MTMR10: variants seen among roughly 807,000 people sequenced by gnomAD.
The protein encoded by MTMR10 is myotubularin related protein 10, also known as myotubularin-related protein 10.
MTMR10 carries 56 observed loss-of-function variants against 88.1 expected under a neutral mutation model. That is an observed-to-expected ratio of 0.64 (90% confidence interval 0.51 to 0.79). The LOEUF is 0.79. Ranked by LOEUF, MTMR10 falls within the 30% of genes least tolerant of loss-of-function variation. The pLI, the probability that MTMR10 is intolerant of heterozygous loss-of-function variation, is 0.00. For missense variants in MTMR10, 883 were observed against 924.7 expected (o/e 0.95, Z 0.58); for synonymous variants, 380 against 340.9 (o/e 1.11, Z -1.26).
At chr15:30,973,470 G>T (rs1384867000) in intron 5 of MTMR10, among the ~76,000 whole-genome samples, 2 of 152,024 alleles carry the variant, frequency 1.3e-5, no homozygotes, top group Admixed American at 1.3e-4. Flanking sequence ...CCTTGTTTTG[G>T]TATCAACAGA....
At chr15:30,966,708 T>C (rs574237878) in intron 6 of MTMR10, among the ~76,000 whole-genome samples, 1 of 145,674 alleles carries the variant, frequency 6.9e-6, no homozygotes, top group South Asian at 2.2e-4. Flanking sequence ...AATAACTGTA[T>C]TGCTTAAGCC....
intron 11 of MTMR10, 102 bp downstream of exon 11, chr15:30,953,460 A>C (rs2063278993): frequency 1.2e-6 from 1 of 831,686 alleles, no homozygotes; most frequent in African/African-American, 1.7e-5. Flanking sequence ...AGTTGGATGA[A>C]GAGTAAGTAC....
At chr15:30,948,548 A>G (rs558932893) in intron 12 of MTMR10, 77 bp from the exon 13 acceptor site, 10 of 1,425,410 alleles carry the variant, frequency 7.0e-6, no homozygotes, top group Middle Eastern at 3.5e-4. Flanking sequence ...GGTAAACTAG[A>G]TAATTTAGTA....
At chr15:30,961,884 G>A (rs1044657068) in intron 6 of MTMR10, among the ~76,000 whole-genome samples, 2 of 152,040 alleles carry the variant, frequency 1.3e-5, no homozygotes, top group African/African-American at 4.8e-5. Context: ...CCCTAATTGT[G>A]GGGTAAGTCC....
chr15:30,928,968 G>A, the MTMR10 span, among the ~76,000 whole-genome samples: 1 of 152,204 alleles, frequency 6.6e-6, no homozygotes, highest in African/African-American at 2.4e-5. Context: ...ACAGACATGG[G>A]CACATCTGCC....
intron 4 of MTMR10, 59 bp from the exon 5 acceptor site, chr15:30,974,515 C>A: frequency 7.4e-7 from 1 of 1,343,432 alleles, no homozygotes; most frequent in East Asian, 2.5e-5. Flanking sequence ...GTTACTCACC[C>A]TTTAATACAA....
At chr15:30,969,649 AT>A (rs1306455562) in intron 5 of MTMR10, among the ~76,000 whole-genome samples, 1 of 152,172 alleles carries the variant, frequency 6.6e-6, no homozygotes, top group East Asian at 1.9e-4. Flanking sequence ...TAACGATGTA[AT>A]TCTGACTAAC....
chr15:30,966,215 T>C (rs2063470424), intron 6 of MTMR10, among the ~76,000 whole-genome samples: 1 of 152,190 alleles, frequency 6.6e-6, no homozygotes, highest in African/African-American at 2.4e-5. Context: ...CAATAAGCTA[T>C]ATAAGAAGAA....
chr15:30,962,687 A>G (rs1250713172), intron 6 of MTMR10, among the ~76,000 whole-genome samples: 1 of 152,162 alleles, frequency 6.6e-6, no homozygotes. Context: ...AGAACTCCCC[A>G]TGTGCTAATG....
the MTMR10 span, among the ~76,000 whole-genome samples, chr15:30,933,179 C>T: frequency 6.6e-6 from 1 of 151,990 alleles, no homozygotes; most frequent in Admixed American, 6.6e-5. Flanking sequence ...CTTTTGGTTT[C>T]ATTTGTTTTT....
At chr15:30,922,453 A>G in the MTMR10 span, 1 of 1,194,936 alleles carries the variant, frequency 8.4e-7, no homozygotes, top group South Asian at 1.5e-5. Context: ...TGTAATTAGA[A>G]CATGTATTTC....
At chr15:30,929,171 C>G in the MTMR10 span, 1 of 1,601,826 alleles carries the variant, frequency 6.2e-7, no homozygotes, top group Non-Finnish European at 8.5e-7. Context: ...TCTGCAGGCA[C>G]AGTATGACAG....
intron 2 of MTMR10, among the ~76,000 whole-genome samples, chr15:30,989,837 G>A (rs113001268): frequency 1.4e-3 from 215 of 152,042 alleles, no homozygotes; most frequent in African/African-American, 4.6e-3. Flanking sequence ...CACCCGCCTC[G>A]GCCTCCCAAA....
chr15:30,951,790 C>A (rs1296352385), intron 12 of MTMR10, among the ~76,000 whole-genome samples, 178 bp downstream of exon 12: 1 of 152,134 alleles, frequency 6.6e-6, no homozygotes, highest in African/African-American at 2.4e-5. Context: ...TCAGCCACTG[C>A]GCCCAGCCTG....
At chr15:30,960,796 A>G (rs958889945) in intron 7 of MTMR10, 85 bp downstream of exon 7, 3 of 1,357,044 alleles carry the variant, frequency 2.2e-6, no homozygotes, top group Non-Finnish European at 1.9e-6. Flanking sequence ...CACAACTTGA[A>G]AGTCATCAAT....
chr15:30,933,667 G>GT, the MTMR10 span, among the ~76,000 whole-genome samples: 1 of 152,010 alleles, frequency 6.6e-6, no homozygotes, highest in African/African-American at 2.4e-5. Context: ...TAAGTTGTCT[G>GT]TGTCCTTACT....
chr15:30,921,004 G>C, the MTMR10 span, among the ~76,000 whole-genome samples: 1 of 152,128 alleles, frequency 6.6e-6, no homozygotes, highest in African/African-American at 2.4e-5. Flanking sequence ...GGCTGATCTC[G>C]AACTCCTGGG....
chr15:30,990,660 T>TAAAA (rs1269924053), intron 2 of MTMR10, 117 bp downstream of exon 2: 2 of 854,106 alleles, frequency 2.3e-6, no homozygotes, highest in Non-Finnish European at 3.7e-6. Context: ...ACTAGACTTT[T>TAAAA]AACTGGAGAA....
the MTMR10 span, among the ~76,000 whole-genome samples, chr15:30,924,678 T>A: frequency 6.6e-6 from 1 of 152,088 alleles, no homozygotes; most frequent in Non-Finnish European, 1.5e-5. Flanking sequence ...TGACTGCATA[T>A]GAGATTGACC....
Sources: allele counts gnomAD v4.1 joint callset (sites outside exome capture counted in the v4.1 genomes callset), GRCh38; gene constraint gnomAD v4.1.1; transcripts MANE v1.5; gene names NCBI Gene and HGNC (gene_info 2026-07-23, HGNC 2026-07-21).